MRPS6: variants seen among roughly 807,000 people sequenced by gnomAD.
The protein encoded by MRPS6 is small ribosomal subunit protein bS6m.
MRPS6 carries 6 observed loss-of-function variants against 13.1 expected under a neutral mutation model. The ratio of observed to expected loss-of-function variants is 0.46; its 90% CI spans 0.25 to 0.91. The LOEUF is 0.91. MRPS6 is among the 40% of genes least tolerant of loss of function. The probability of loss-of-function intolerance (pLI) is 0.18; values close to 1 mark genes in which losing one functional copy is unlikely to be tolerated. For synonymous variants in MRPS6, 61 were observed against 56.5 expected, an observed-to-expected ratio of 1.08 and a Z score of -0.36; for missense variants, 164 against 155.6, an observed-to-expected ratio of 1.05 and a Z score of -0.29.
chr21:34,086,133 T>TA (rs1978361733), intron 1 of MRPS6, among the ~76,000 whole-genome samples: 1 of 152,206 alleles, frequency 6.6e-6, no homozygotes, highest in Non-Finnish European at 1.5e-5. Flanking sequence ...GCTGGTCACT[T>TA]ATGCTGTTTA....
intron 1 of MRPS6, among the ~76,000 whole-genome samples, chr21:34,084,100 G>A (rs1282141931): frequency 1.3e-5 from 2 of 151,394 alleles, no homozygotes; most frequent in African/African-American, 4.8e-5. Flanking sequence ...TACTGTTAAA[G>A]TTACTCTTTT....
At chr21:34,103,146 G>A (rs1979321984) in intron 1 of MRPS6, 1 of 999,698 alleles carries the variant, frequency 1.0e-6, no homozygotes, top group East Asian at 1.1e-4. Flanking sequence ...AACTGGCAAA[G>A]GCCAGTATAT....
intron 1 of MRPS6, among the ~76,000 whole-genome samples, chr21:34,085,328 C>G (rs1475721277): frequency 6.6e-6 from 1 of 152,088 alleles, no homozygotes; most frequent in African/African-American, 2.4e-5. Flanking sequence ...ATAGGGATGT[C>G]AATGCATCAC....
chr21:34,136,929 A>T (rs1980723673), intron 2 of MRPS6, among the ~76,000 whole-genome samples: 1 of 152,346 alleles, frequency 6.6e-6, no homozygotes, highest in African/African-American at 2.4e-5. Flanking sequence ...TGGTACAAGT[A>T]GGGAAGAAAG....
intron 1 of MRPS6, among the ~76,000 whole-genome samples, chr21:34,075,276 A>G (rs1049972651): frequency 1.3e-5 from 2 of 152,204 alleles, no homozygotes; most frequent in Non-Finnish European, 2.9e-5. Flanking sequence ...ACCTGTAGGC[A>G]ATAATATTTG....
intron 2 of MRPS6, among the ~76,000 whole-genome samples, chr21:34,130,552 T>C (rs1170862868): frequency 1.3e-5 from 2 of 152,104 alleles, no homozygotes; most frequent in Non-Finnish European, 2.9e-5. Context: ...TTTCTCTGAG[T>C]GTTTTCAGAT....
At chr21:34,101,605 C>T (rs950320031) in intron 1 of MRPS6, 1 of 1,000,150 alleles carries the variant, frequency 1.0e-6, no homozygotes, top group Non-Finnish European at 1.2e-6. Flanking sequence ...TACACCTAGT[C>T]TTTTCAGCAC....
Position 34,096,946 on chromosome 21 carries a change from A to C in MRPS6, c.45+23201A>C, listed in dbSNP as rs1414448147. 6.2e-7 allele frequency: 1 copy of C among 1,614,136 alleles called. No individual in the cohort carries two copies. Among genetic ancestry groups the C allele is most frequent in the East Asian group, 2.2e-5 (1 of 44,882 alleles). On this transcript the variant is annotated intron_variant, in intron 1 of 2. Coordinates refer to ENST00000399312, the MANE Select transcript of MRPS6 (RefSeq NM_032476.4). The surrounding 1 kb of genome is among the most constrained non-coding windows in gnomAD (Gnocchi z 5.9). ...TGCAGTGAGAATAATGAGACCATCAACCACATCATTCCCAACGGGAAATCT... is the reference window on the plus strand; with the variant it reads ...TGCAGTGAGAATAATGAGACCATCACCCACATCATTCCCAACGGGAAATCT...
chr21:34,101,814 C>CTT lies in MRPS6; in HGVS notation c.46-23525_46-23524dup, dbSNP rs1466208460. 1.8e-5 allele frequency: 18 copies of CTT among 998,372 alleles called. No individual in the cohort carries two copies. In the South Asian group the frequency reaches 7.5e-4, roughly 42 times the overall value. The allele number at this position is 998,372 out of a possible 1,614,324, so 61.8% of individuals were successfully genotyped here. A position where few individuals can be genotyped will look rare whatever the true frequency, so the allele number is the denominator to read the frequency against. On this transcript the variant is annotated intron_variant, in intron 1 of 2. Transcript: ENST00000399312. ...AATTCTCAGGAATGATTTTCTCACA[C>CTT]TTTGTGTTGGCTAATAATAAAAGCA... is the stretch of plus-strand genomic sequence containing the variant.
Position 34,096,289 on chromosome 21 carries a change from G to A in MRPS6, c.45+22544G>A, listed in dbSNP as rs1978961469. ...ATGAAGCTGGTTCCTGTGGGCCTTC[G>A]GGGTTTAATGATGGCAGTGATGATT... On this transcript the variant is annotated intron_variant, in intron 1 of 2. Coordinates refer to ENST00000399312, the MANE Select transcript of MRPS6 (RefSeq NM_032476.4). The surrounding 1 kb of genome is among the most constrained non-coding windows in gnomAD (Gnocchi z 5.9). 1.9e-6 allele frequency: 3 copies of A among 1,613,992 alleles called. No homozygotes were observed. The highest frequency in any genetic ancestry group is 1.3e-5 in the African/African-American group (1 of 74,916).
At chr21:34,094,542 G>C (rs1978874069) in intron 1 of MRPS6, among the ~76,000 whole-genome samples, 2 of 152,122 alleles carry the variant, frequency 1.3e-5, no homozygotes, top group South Asian at 4.1e-4. Flanking sequence ...CTTAGTGCCT[G>C]TCCTAATCTG....
At position 34,073,741 on chromosome 21, in the gene MRPS6, A is replaced by G. The variant is rs1195892681; in HGVS notation, c.41A>G (p.Gln14Arg). Residue 14 changes from glutamine (Q) to arginine (R), a missense_variant, in exon 1 of 3, where the codon CAG becomes CGG. Physicochemically the swap from Gln to Arg is conservative, Grantham distance 43 (BLOSUM62 1). Coordinates refer to ENST00000399312, the MANE Select transcript of MRPS6 (RefSeq NM_032476.4). ...YELALILKAM[Q>R]RPETAATLKR... is the part of the protein sequence containing the mutation. ...CTGGCTTTAATCCTGAAAGCCATGC[A>G]GCGGGTAAGTGACCTTCCCTCAGAG... 4 of 1,526,372 alleles carry G rather than the reference A, an allele frequency of 2.6e-6. No homozygotes were observed. The South Asian group carries it at 3.5e-5, about 13-fold the overall frequency. 94.6% of individuals were successfully genotyped at this position (1,526,372 alleles called of 1,614,324 possible).
intron 2 of MRPS6, among the ~76,000 whole-genome samples, chr21:34,137,177 A>G (rs567147405): frequency 3.3e-5 from 5 of 152,294 alleles, no homozygotes; most frequent in African/African-American, 1.2e-4. Context: ...TTTCTAATCA[A>G]TATTCTAGGG....
At chr21:34,118,557 C>CTTTCTT (rs1556008872) in intron 1 of MRPS6, among the ~76,000 whole-genome samples, 6,197 of 132,966 alleles carry the variant, frequency 0.047, 480 homozygotes, top group African/African-American at 0.15. Flanking sequence ...TTCTTTCTTT[C>CTTTCTT]TTTTTTTTTT....
chr21:34,109,367 A>T (rs929985402), intron 1 of MRPS6, among the ~76,000 whole-genome samples: 3 of 152,222 alleles, frequency 2.0e-5, no homozygotes, highest in Non-Finnish European at 4.4e-5. Flanking sequence ...AAGTCCTGCG[A>T]TATCTTTAGA....
chr21:34,113,031 C>A (rs1170021742), intron 1 of MRPS6, among the ~76,000 whole-genome samples: 2 of 152,076 alleles, frequency 1.3e-5, no homozygotes, highest in South Asian at 2.1e-4. Context: ...CAACAAAAAA[C>A]CACATTGAGA....
At chr21:34,121,179 A>G (rs755536766) in intron 1 of MRPS6, among the ~76,000 whole-genome samples, 3 of 152,104 alleles carry the variant, frequency 2.0e-5, no homozygotes, top group Non-Finnish European at 4.4e-5. Flanking sequence ...ACATCAGGAG[A>G]ACTGGGGGAT....
chr21:34,100,113 T>C, intron 1 of MRPS6: 1 of 998,662 alleles, frequency 1.0e-6, no homozygotes, highest in Non-Finnish European at 1.2e-6. Context: ...AGGTTCAGAA[T>C]TGAAGCTTGA....
chr21:34,085,569 C>T (rs1005510264), intron 1 of MRPS6, among the ~76,000 whole-genome samples: 4 of 150,742 alleles, frequency 2.7e-5, no homozygotes, highest in Admixed American at 2.6e-4. Flanking sequence ...ATCATTTCAC[C>T]TGTAAGTAAT....
Sources: allele counts gnomAD v4.1 joint callset (sites outside exome capture counted in the v4.1 genomes callset), GRCh38; gene constraint gnomAD v4.1.1; non-coding constraint Gnocchi (gnomAD v3.1); transcripts MANE v1.5; gene names NCBI Gene and HGNC (gene_info 2026-07-23, HGNC 2026-07-21).